Variants in SLC6A2 observed in about 807,000 individuals in gnomAD.
SLC6A2 encodes the protein sodium-dependent noradrenaline transporter.
In SLC6A2, 26 loss-of-function variants were observed where a neutral mutation model predicts 71.7. That is an observed-to-expected ratio of 0.36 (90% CI 0.27 to 0.50). The LOEUF (loss-of-function observed/expected upper bound fraction) is 0.50, where lower values mean the gene tolerates loss of function less well. SLC6A2 is among the 20% of genes least tolerant of loss of function. SLC6A2 has a pLI of 0.96. For synonymous variants in SLC6A2, 363 were observed against 337.9 expected (o/e 1.07, Z -0.82); for missense variants, 581 against 803.9 (o/e 0.72, Z 3.35).
chr16:55,687,258 GAGC>G (rs1389636522), intron 5 of SLC6A2, among the ~76,000 whole-genome samples: 2 of 1,894 alleles, frequency 1.1e-3, no homozygotes, highest in Admixed American at 5.4e-3. Context: ...AGTAAAGTAA[GAGC>G]TGTCTCTTGG....
intron 3 of SLC6A2, among the ~76,000 whole-genome samples, chr16:55,671,428 G>A (rs1414717494): frequency 6.6e-6 from 1 of 152,204 alleles, no homozygotes; most frequent in African/African-American, 2.4e-5. Context: ...GGGGCCTATG[G>A]ACTCTGGCAA....
At chr16:55,693,251 G>A (rs1242692477) in intron 6 of SLC6A2, among the ~76,000 whole-genome samples, 1 of 152,188 alleles carries the variant, frequency 6.6e-6, no homozygotes, top group African/African-American at 2.4e-5. Flanking sequence ...GCGGGGCACG[G>A]TGGCACGCAC....
At chr16:55,658,984 A>G (rs968817913) in intron 2 of SLC6A2, among the ~76,000 whole-genome samples, 43 of 152,192 alleles carry the variant, frequency 2.8e-4, no homozygotes, top group African/African-American at 1.0e-3. Flanking sequence ...ATCTTTTAAG[A>G]GGCAGGGAGA....
At chr16:55,685,329 G>T (rs752483925) in intron 5 of SLC6A2, 48 bp downstream of exon 5, 8 of 1,585,760 alleles carry the variant, frequency 5.0e-6, no homozygotes, top group Admixed American at 3.3e-5. Flanking sequence ...ATCAACCTTG[G>T]GGGGTGTGAT....
At position 55,700,348 on chromosome 16, in the gene SLC6A2, C is replaced by A. The variant is rs370713661; in HGVS notation, c.1758+42C>A. On this transcript the variant is annotated intron_variant, in intron 13 of 14. Coordinates refer to ENST00000568943, the MANE Select transcript of SLC6A2 (RefSeq NM_001172501.3). The stretch of plus-strand genomic sequence containing the variant: ...CCCAGGGGAACAGGGTGGGAGGGGG[C>A]TGAGGGGGAAGACGGGACGACTCTC... 13 of 1,526,094 alleles carry A rather than the reference C, an allele frequency of 8.5e-6. No homozygotes were observed. The African/African-American group carries it at 1.8e-4, about 21-fold the overall frequency. The allele number at this position is 1,526,094 out of a possible 1,614,324, so 94.5% of individuals were successfully genotyped here.
At position 55,701,869 on chromosome 16, in the gene SLC6A2, G is replaced by T. The variant is rs144546216; in HGVS notation, c.1765G>T (p.Ala589Ser). The change falls in exon 14 of 15, where the codon GCC becomes TCC. Residue 589 changes from alanine (A) to serine (S), a missense_variant. Around this residue, in one of 5 missense-constraint regions of SLC6A2, gnomAD observed 334 missense variants for 449.0 expected, o/e 0.74. Transcript: ENST00000568943. ...CCCCTTCTCTTCCTTTCAGAGACTG[G>T]CCTATGGCATCACGCCAGAGAACGA... Reference protein sequence around the residue: ...STQGSLWERLAYGITPENEHH... With the variant: ...STQGSLWERLSYGITPENEHH... 2.7e-5 allele frequency: 44 copies of T among 1,613,638 alleles called. No homozygotes were observed. In the African/African-American group the frequency reaches 4.9e-4, roughly 18 times the overall value.
In SLC6A2 at chr16:55,700,194, T is replaced by C. The variant is rs3743788; in HGVS notation, c.1646T>C (p.Ile549Thr). The stretch of plus-strand genomic sequence containing the variant: ...AAGCCACTCACCTACGACGACTACA[T>C]CTTCCCGCCCTGGGCCAACTGGGTG... ...NFKPLTYDDY[I>T]FPPWANWVGW... The change falls in exon 13 of 15, where the codon ATC (isoleucine) becomes ACC (threonine). Residue 549 changes from isoleucine to threonine, a missense_variant. Ile to Thr is a moderately conservative substitution (Grantham distance 89, BLOSUM62 -1). This residue lies in a region of SLC6A2 where 334 missense variants were observed against 449.0 expected (regional missense o/e 0.74). Transcript: ENST00000568943. The C allele has an allele frequency of 8.4e-4, 1,359 of 1,614,110 alleles. 21 individuals carry two copies. In the East Asian group the frequency reaches 0.026, roughly 31 times the overall value.
chr16:55,703,259 G>C lies in SLC6A2; in HGVS notation c.*913G>C, dbSNP rs923724952. ...AGGGACCAAGTGAGGCCTCATGTGT[G>C]TCTTCACCGTGCTGTCCTCACAAGG... is the stretch of plus-strand genomic sequence containing the variant. On this transcript the variant is annotated 3_prime_UTR_variant, in exon 15 of 15. Coordinates refer to ENST00000568943, the MANE Select transcript of SLC6A2 (RefSeq NM_001172501.3). The C allele has an allele frequency of 3.3e-5, 33 of 985,402 alleles. No individual in the cohort carries two copies. The highest frequency in any genetic ancestry group is 3.9e-5 in the Non-Finnish European group (32 of 830,004). 61.0% of individuals were successfully genotyped at this position (985,402 alleles called of 1,614,324 possible).
intron 5 of SLC6A2, among the ~76,000 whole-genome samples, chr16:55,691,004 G>A (rs1965601007): frequency 6.6e-6 from 1 of 152,054 alleles, no homozygotes; most frequent in South Asian, 2.1e-4. Context: ...TCCCACATCT[G>A]TTCCCACTAA....
chr16:55,696,275 G>A lies in SLC6A2; in HGVS notation c.1198G>A (p.Gly400Arg). 2 of 1,613,848 alleles carry A rather than the reference G, an allele frequency of 1.2e-6. No individual in the cohort carries two copies. The highest frequency in any genetic ancestry group is 1.1e-5 in the South Asian group (1 of 91,064). Reference sequence around the variant, plus strand: ...TCCAGAGGCCATTTCTACCCTGTCTGGATCTACATTCTGGGCTGTTGTGTT... The same window carrying A: ...TCCAGAGGCCATTTCTACCCTGTCTAGATCTACATTCTGGGCTGTTGTGTT... The part of the protein sequence containing the change: ...LYPEAISTLS[G>R]STFWAVVFFV... The change falls in exon 9 of 15, where the codon GGA (glycine) becomes AGA (arginine). Residue 400 changes from glycine (G) to arginine (R), a missense_variant. Coordinates refer to ENST00000568943, the MANE Select transcript of SLC6A2 (RefSeq NM_001172501.3).
chr16:55,663,703 T>C (rs769875660), intron 2 of SLC6A2, among the ~76,000 whole-genome samples: 2 of 152,186 alleles, frequency 1.3e-5, no homozygotes, highest in African/African-American at 4.8e-5. Context: ...AAAATACCAA[T>C]AGCCCTTGTT....
chr16:55,699,343 G>T (rs1965898547), intron 11 of SLC6A2, among the ~76,000 whole-genome samples: 1 of 152,188 alleles, frequency 6.6e-6, no homozygotes, highest in African/African-American at 2.4e-5. Flanking sequence ...CAGGTGAATT[G>T]GGGTGACACA....
rs1226051996 is a variant in SLC6A2, at chr16:55,703,839, A to C, written c.*1493A>C. 6 of 984,244 alleles carry C rather than the reference A, an allele frequency of 6.1e-6. No homozygotes were observed. In the African/African-American group the frequency reaches 8.7e-5, roughly 14 times the overall value. The allele number at this position is 984,244 out of a possible 1,614,324, so 61.0% of individuals were successfully genotyped here. Reference sequence around the variant, plus strand: ...TGTTGTTGAGCCTGGTGGTTCCTGCATGAAGAGGATTATGAGGGGACCAGG... The same window carrying C: ...TGTTGTTGAGCCTGGTGGTTCCTGCCTGAAGAGGATTATGAGGGGACCAGG... On this transcript the variant is annotated 3_prime_UTR_variant, in exon 15 of 15. Coordinates refer to ENST00000568943, the MANE Select transcript of SLC6A2 (RefSeq NM_001172501.3).
intron 8 of SLC6A2, 130 bp downstream of exon 8, chr16:55,695,532 C>T (rs894083811): frequency 2.0e-6 from 2 of 1,010,456 alleles, no homozygotes; most frequent in African/African-American, 3.2e-5. Context: ...CCAAACCACC[C>T]ATGTGATTGA....
chr16:55,693,120 C>T (rs1965687292), intron 6 of SLC6A2, among the ~76,000 whole-genome samples: 1 of 152,240 alleles, frequency 6.6e-6, no homozygotes, highest in Non-Finnish European at 1.5e-5. Context: ...GGCGCGGTGG[C>T]TCACGCCTGT....
At chr16:55,686,108 A>G (rs1156246011) in intron 5 of SLC6A2, among the ~76,000 whole-genome samples, 1 of 152,220 alleles carries the variant, frequency 6.6e-6, no homozygotes, top group African/African-American at 2.4e-5. Context: ...TAGTGACTCA[A>G]AATAACAACC....
intron 2 of SLC6A2, among the ~76,000 whole-genome samples, chr16:55,657,668 C>T (rs1375904682): frequency 6.6e-6 from 1 of 152,170 alleles, no homozygotes; most frequent in Non-Finnish European, 1.5e-5. Context: ...AAACCTCTAC[C>T]TCCTCAAGTT....
intron 2 of SLC6A2, among the ~76,000 whole-genome samples, chr16:55,666,970 A>G (rs534613255): frequency 1.3e-5 from 2 of 151,226 alleles, no homozygotes; most frequent in African/African-American, 4.9e-5. Flanking sequence ...TTTTTTGTTT[A>G]TTTGTTTGTT....
At chr16:55,674,351 T>C (rs1366710716) in intron 4 of SLC6A2, among the ~76,000 whole-genome samples, 4 of 152,328 alleles carry the variant, frequency 2.6e-5, no homozygotes, top group South Asian at 2.1e-4. Flanking sequence ...TCCATGTCCC[T>C]GCAAAGGACA....
Sources: allele counts gnomAD v4.1 joint callset (sites outside exome capture counted in the v4.1 genomes callset), GRCh38; gene constraint gnomAD v4.1.1; regional missense constraint gnomAD v4.1.1; transcripts MANE v1.5; gene names NCBI Gene and HGNC (gene_info 2026-07-23, HGNC 2026-07-21).